Variants in FAM149B1 observed in about 807,000 individuals in gnomAD.
FAM149B1 encodes family with sequence similarity 149 member B1.
A neutral mutation model predicts 75.3 loss-of-function variants in FAM149B1; 56 were observed. The ratio of observed to expected loss-of-function variants is 0.74; its 90% confidence interval spans 0.60 to 0.93. The LOEUF (loss-of-function observed/expected upper bound fraction) is 0.93, where lower values mean the gene tolerates loss of function less well. FAM149B1 is among the 40% of genes least tolerant of loss of function. The pLI is 0.00. For synonymous variants in FAM149B1, 259 were observed against 256.1 expected (o/e 1.01, Z -0.11); for missense variants, 639 against 708.4 (o/e 0.90, Z 1.11).
At position 73,178,945 on chromosome 10, in the gene FAM149B1, TG is replaced by T. The variant is rs2133307407; in HGVS notation, c.282+971del. 1.3e-5 allele frequency among the ~76,000 whole-genome samples: 2 copies of T among 152,302 alleles called. 1 individual carries two copies. The highest frequency in any genetic ancestry group is 4.1e-4 in the South Asian group (2 of 4,820). ...ATAATTTTATCATCTTGATGCAAGA[TG>T]CAATAGACATTTTTATTTCTTGTTT... On this transcript the variant is annotated intron_variant, in intron 3 of 13. Coordinates refer to ENST00000242505, the MANE Select transcript of FAM149B1 (RefSeq NM_173348.2).
In FAM149B1 at chr10:73,219,207, C is replaced by T. The variant is rs2043356227; in HGVS notation, c.898+8769C>T. Among the ~76,000 whole-genome samples, 4 of 152,108 alleles carry T rather than the reference C, an allele frequency of 2.6e-5. No homozygotes were observed. The South Asian group carries it at 6.2e-4, about 24-fold the overall frequency. On this transcript the variant is annotated intron_variant, in intron 7 of 13. Transcript: ENST00000242505. ...ATAAATAAATGTAACCAAGGAAGTACAAGACTTCCACACTGAAAACTATGT... is the reference window on the plus strand; with the variant it reads ...ATAAATAAATGTAACCAAGGAAGTATAAGACTTCCACACTGAAAACTATGT...
At chr10:73,237,503 A>C (rs1258813241) in intron 12 of FAM149B1, among the ~76,000 whole-genome samples, 2 of 150,824 alleles carry the variant, frequency 1.3e-5, no homozygotes, top group Non-Finnish European at 3.0e-5. Flanking sequence ...TGCAGCCTCC[A>C]CCTCCTCCTG....
chr10:73,228,009 C>G, intron 7 of FAM149B1, 51 bp from the exon 8 acceptor site: 5 of 1,525,062 alleles, frequency 3.3e-6, no homozygotes, highest in Non-Finnish European at 4.5e-6. Context: ...AATACTGTTG[C>G]TGTGGGCCAG....
intron 7 of FAM149B1, among the ~76,000 whole-genome samples, chr10:73,223,091 G>A (rs1004155349): frequency 2.6e-5 from 4 of 152,062 alleles, no homozygotes; most frequent in African/African-American, 9.7e-5. Context: ...ATATACTTCA[G>A]CCTGGATGAC....
At chr10:73,181,567 CTTGTTA>C (rs1448599244) in intron 3 of FAM149B1, among the ~76,000 whole-genome samples, 1 of 152,130 alleles carries the variant, frequency 6.6e-6, no homozygotes, top group Non-Finnish European at 1.5e-5. Flanking sequence ...CAAAATTCCT[CTTGTTA>C]TTAATTTCTA....
chr10:73,200,324 G>A (rs939755001), intron 5 of FAM149B1: 121 of 428,440 alleles, frequency 2.8e-4, no homozygotes, highest in African/African-American at 7.1e-4. Flanking sequence ...TGACAAGAGC[G>A]AAACTACATC....
chr10:73,177,928 G>A lies in FAM149B1; in HGVS notation c.235G>A (p.Ala79Thr), dbSNP rs1446432753. ...SLSAFPSYTG[A>T]GISTEGSSDF... ...GTCTGCTTTTCCAAGTTATACAGGC[G>A]CAGGGATATCTACTGAAGGAAGCTC... The change falls in exon 3 of 14, where the codon GCA (alanine) becomes ACA (threonine). Residue 79 changes from alanine (A) to threonine (T), a missense_variant. By Grantham distance (58) the Ala-to-Thr change is moderately conservative. Coordinates refer to ENST00000242505, the MANE Select transcript of FAM149B1 (RefSeq NM_173348.2). 8 of 1,551,486 alleles carry A rather than the reference G, an allele frequency of 5.2e-6. No homozygotes were observed. The highest frequency in any genetic ancestry group is 2.4e-5 in the East Asian group (1 of 40,916).
chr10:73,170,975 A>T (rs959610766), intron 1 of FAM149B1, among the ~76,000 whole-genome samples: 98 of 144,648 alleles, frequency 6.8e-4, no homozygotes, highest in Non-Finnish European at 1.2e-3. Flanking sequence ...TTTTCTTTCT[A>T]TTTTTTTTTT....
At chr10:73,214,461 T>C (rs2043253021) in intron 7 of FAM149B1, among the ~76,000 whole-genome samples, 1 of 152,224 alleles carries the variant, frequency 6.6e-6, no homozygotes, top group Non-Finnish European at 1.5e-5. Context: ...CTTTATTATG[T>C]TGAGGTATGT....
chr10:73,170,499 GTC>G (rs904218147), intron 1 of FAM149B1, among the ~76,000 whole-genome samples: 8 of 151,322 alleles, frequency 5.3e-5, no homozygotes, highest in African/African-American at 2.0e-4. Context: ...GGAAGACTCT[GTC>G]TCAAATAAAT....
chr10:73,211,872 G>A (rs756542071), intron 7 of FAM149B1, among the ~76,000 whole-genome samples: 6 of 152,060 alleles, frequency 3.9e-5, no homozygotes, highest in Admixed American at 1.3e-4. Context: ...AGTGACCTCA[G>A]GTGGTACACT....
intron 12 of FAM149B1, among the ~76,000 whole-genome samples, chr10:73,238,328 C>T (rs1429187121): frequency 6.6e-6 from 1 of 152,186 alleles, no homozygotes; most frequent in African/African-American, 2.4e-5. Flanking sequence ...ACCTGGGCGA[C>T]AGAGCGAGAA....
intron 2 of FAM149B1, among the ~76,000 whole-genome samples, chr10:73,175,601 C>T (rs574999179): frequency 5.5e-5 from 8 of 145,426 alleles, no homozygotes; most frequent in East Asian, 2.1e-4. Flanking sequence ...ACCCGGGAGG[C>T]GGAGCTTGCA....
At chr10:73,209,363 G>A (rs1031939324) in intron 6 of FAM149B1, among the ~76,000 whole-genome samples, 13 of 152,080 alleles carry the variant, frequency 8.5e-5, no homozygotes, top group Admixed American at 2.6e-4. Flanking sequence ...CCAGAGAATC[G>A]CTTGAACCCG....
rs189798977 is a variant in FAM149B1, at chr10:73,224,660, T to C, written c.899-3400T>C. ...CTATTTTTTGTATTTTTAGTAGAGA[T>C]GGGGTTTCACTATGTTGGCCAGGCT... On this transcript the variant is annotated intron_variant, in intron 7 of 13. Transcript: ENST00000242505. 2.3e-3 allele frequency among the ~76,000 whole-genome samples: 350 copies of C among 151,788 alleles called. 3 individuals are homozygous for C. Among genetic ancestry groups the C allele is most frequent in the Non-Finnish European group, 4.0e-3 (274 of 67,892 alleles).
At chr10:73,205,292 G>A (rs186340549) in intron 5 of FAM149B1, among the ~76,000 whole-genome samples, 22 of 151,942 alleles carry the variant, frequency 1.4e-4, no homozygotes, top group Admixed American at 2.6e-4. Context: ...TAGTGAATGA[G>A]TTCTCATGAG....
chr10:73,182,833 A>G (rs750199604), intron 3 of FAM149B1, among the ~76,000 whole-genome samples: 1 of 152,172 alleles, frequency 6.6e-6, no homozygotes, highest in Non-Finnish European at 1.5e-5. Flanking sequence ...AAACCCGGAG[A>G]GATAATACAT....
chr10:73,235,126 G>T, intron 11 of FAM149B1, 67 bp from the exon 12 acceptor site: 1 of 1,505,578 alleles, frequency 6.6e-7, no homozygotes, highest in Non-Finnish European at 9.0e-7. Context: ...ATGGTCGATA[G>T]GGTTTTAACT....
Position 73,177,988 on chromosome 10 carries a change from T to C in FAM149B1, c.282+13T>C. 1 of 1,543,656 alleles carries C rather than the reference T, an allele frequency of 6.5e-7. No individual in the cohort carries two copies. Among genetic ancestry groups the C allele is most frequent in the East Asian group, 2.4e-5 (1 of 40,832 alleles). ...CTGGGGATATGGTGTGAGTTATATG[T>C]TATCAGTCTGATAGAGTGCTTGGGA... On this transcript the variant is annotated intron_variant, in intron 3 of 13. Coordinates refer to ENST00000242505, the MANE Select transcript of FAM149B1 (RefSeq NM_173348.2).
Sources: gnomAD v4.1 joint callset for allele counts (sites outside exome capture counted in the v4.1 genomes callset) on GRCh38, gnomAD v4.1.1 for gene constraint, MANE v1.5 for transcripts, NCBI Gene and HGNC (gene_info 2026-07-23, HGNC 2026-07-21) for gene names.